Variants in CFAP300 observed in about 807,000 individuals in gnomAD.
CFAP300 encodes cilia- and flagella-associated protein 300.
In CFAP300, 32 loss-of-function variants were observed where a neutral mutation model predicts 33.0. The ratio of observed to expected loss-of-function variants is 0.97; its 90% CI spans 0.73 to 1.30. CFAP300 has a LOEUF of 1.30. CFAP300 is among the 50% of genes most tolerant of loss of function. The pLI is 0.00. For synonymous variants in CFAP300, 102 were observed against 106.8 expected, an observed-to-expected ratio of 0.95 and a Z score of 0.28; for missense variants, 356 against 318.1, an observed-to-expected ratio of 1.12 and a Z score of -0.90.
chr11:102,060,452 A>G (rs1000987588), intron 3 of CFAP300, among the ~76,000 whole-genome samples: 3 of 152,158 alleles, frequency 2.0e-5, no homozygotes, highest in African/African-American at 7.2e-5. Flanking sequence ...TTCATAATAC[A>G]TTGAAAGAGC....
chr11:102,073,111 C>A (rs1034431830), intron 4 of CFAP300, among the ~76,000 whole-genome samples: 8 of 152,108 alleles, frequency 5.3e-5, no homozygotes, highest in Non-Finnish European at 8.8e-5. Flanking sequence ...TGGGCCTCCA[C>A]GCAGCTTGCT....
rs550300113 is a variant in CFAP300, at chr11:102,050,502, G to A, written c.192+2606G>A. On this transcript the variant is annotated intron_variant, in intron 2 of 6. Transcript: ENST00000434758. The stretch of plus-strand genomic sequence containing the variant: ...AAATGTATTTCTGAGATGATAAATG[G>A]ATGGAAGGAAACATTTATCTGGCAA... Among the ~76,000 whole-genome samples the A allele has an allele frequency of 2.0e-5, 3 of 152,250 alleles. No individual in the cohort carries two copies. The South Asian group carries it at 6.2e-4, about 32-fold the overall frequency.
chr11:102,051,314 G>A (rs1434925626), intron 2 of CFAP300, among the ~76,000 whole-genome samples: 3 of 152,156 alleles, frequency 2.0e-5, no homozygotes, highest in Admixed American at 2.0e-4. Context: ...CATGGGACTG[G>A]GGATGATGAG....
At chr11:102,074,512 A>C (rs1169099301) in intron 4 of CFAP300, among the ~76,000 whole-genome samples, 8 of 152,070 alleles carry the variant, frequency 5.3e-5, no homozygotes, top group African/African-American at 1.9e-4. Context: ...CCCTCTTTGA[A>C]GTGTGATTAT....
intron 2 of CFAP300, among the ~76,000 whole-genome samples, chr11:102,056,859 A>G (rs181865347): frequency 2.1e-4 from 32 of 151,800 alleles, no homozygotes; most frequent in African/African-American, 7.0e-4. Flanking sequence ...TCCTGGCCTC[A>G]AGTGATCCAC....
chr11:102,062,264 G>A lies in CFAP300; in HGVS notation c.268+3309G>A, dbSNP rs1942159437. ...TGAGAAATACATGTCTATTGTTTAA[G>A]CCACCCAGACTATGGCATTTTGTTA... On this transcript the variant is annotated intron_variant, in intron 3 of 6. Coordinates refer to ENST00000434758, the MANE Select transcript of CFAP300 (RefSeq NM_032930.3). Among the ~76,000 whole-genome samples the A allele has an allele frequency of 2.0e-5, 3 of 152,310 alleles. No homozygotes were observed. In the South Asian group the frequency reaches 6.2e-4, roughly 32 times the overall value.
At chr11:102,060,747 T>C (rs1942139089) in intron 3 of CFAP300, among the ~76,000 whole-genome samples, 1 of 152,168 alleles carries the variant, frequency 6.6e-6, no homozygotes, top group Non-Finnish European at 1.5e-5. Flanking sequence ...GGGTGTATTT[T>C]GGTAAATTAC....
At chr11:102,057,335 A>G (rs1221987561) in intron 2 of CFAP300, among the ~76,000 whole-genome samples, 1 of 116,590 alleles carries the variant, frequency 8.6e-6, no homozygotes, top group Non-Finnish European at 1.8e-5. Context: ...GCGAAACTCC[A>G]TCTCAAAAAA....
At chr11:102,079,876 A>G (rs1380177244) in intron 5 of CFAP300, among the ~76,000 whole-genome samples, 4 of 152,208 alleles carry the variant, frequency 2.6e-5, no homozygotes, top group African/African-American at 9.6e-5. Flanking sequence ...ACTTTTATTT[A>G]GCTTATCTTA....
At chr11:102,053,154 G>C (rs1317944884) in intron 2 of CFAP300, among the ~76,000 whole-genome samples, 1 of 151,784 alleles carries the variant, frequency 6.6e-6, no homozygotes, top group Non-Finnish European at 1.5e-5. Context: ...ACTTGAACCT[G>C]GGAGGTGGAG....
Position 102,047,839 on chromosome 11 carries a change from G to C in CFAP300, c.135G>C (p.Ala45=). The change falls in exon 2 of 7, where the codon GCG becomes GCC. Residue 45 remains alanine (A), a synonymous_variant. Transcript: ENST00000434758. Reference sequence around the variant, plus strand: ...GGTCCATGCTGGGCAGAATCAAGGCGCAGGCGTTCGGCTTTGACCAGACCT... The same window carrying C: ...GGTCCATGCTGGGCAGAATCAAGGCCCAGGCGTTCGGCTTTGACCAGACCT... ...RQWSMLGRIK[A]QAFGFDQTFQ... The C allele has an allele frequency of 6.2e-7, 1 of 1,614,182 alleles. No individual in the cohort carries two copies. Among genetic ancestry groups the C allele is most frequent in the Non-Finnish European group, 8.5e-7 (1 of 1,180,030 alleles).
intron 4 of CFAP300, 131 bp from the exon 5 acceptor site, chr11:102,075,742 C>T (rs1942385649): frequency 3.2e-6 from 2 of 621,488 alleles, no homozygotes; most frequent in Non-Finnish European, 2.7e-6. Flanking sequence ...ACAGGTTACT[C>T]TCTTCAGTTG....
intron 4 of CFAP300, among the ~76,000 whole-genome samples, chr11:102,071,302 T>C (rs1344893906): frequency 1.3e-5 from 2 of 152,176 alleles, no homozygotes; most frequent in Non-Finnish European, 2.9e-5. Flanking sequence ...TTAGTCCCTT[T>C]TTACTGTTTT....
intron 5 of CFAP300, among the ~76,000 whole-genome samples, chr11:102,079,069 A>G (rs531040314): frequency 1.3e-5 from 2 of 152,238 alleles, no homozygotes; most frequent in African/African-American, 4.8e-5. Context: ...CAAATACTAA[A>G]TTTTCCTCTA....
At chr11:102,055,361 CT>C (rs561779599) in intron 2 of CFAP300, among the ~76,000 whole-genome samples, 185 of 113,396 alleles carry the variant, frequency 1.6e-3, no homozygotes, top group Non-Finnish European at 1.8e-3. Context: ...ATGCGTTACT[CT>C]TTTTTTTTTT....
chr11:102,072,579 A>G (rs1273084880), intron 4 of CFAP300, among the ~76,000 whole-genome samples: 1 of 152,048 alleles, frequency 6.6e-6, no homozygotes, highest in African/African-American at 2.4e-5. Context: ...TTGGGATTAC[A>G]GGTGTGAGGT....
chr11:102,083,293 T>A lies in CFAP300; in HGVS notation c.*94T>A, dbSNP rs368412662. On this transcript the variant is annotated 3_prime_UTR_variant, in exon 7 of 7. Transcript: ENST00000434758. ...GATAAACATATACTTTGCAAATTAA[T>A]TCAAGAAAAATGTAAGGAGCCTACT... is the stretch of plus-strand genomic sequence containing the variant. 112 of 1,067,634 alleles carry A rather than the reference T, an allele frequency of 1.0e-4. 1 individual carries two copies. The South Asian group carries it at 2.0e-3, about 19-fold the overall frequency. 66.1% of individuals were successfully genotyped at this position (1,067,634 alleles called of 1,614,324 possible).
At position 102,074,153 on chromosome 11, in the gene CFAP300, C is replaced by T. The variant is rs1942361090; in HGVS notation, c.436-1720C>T. ...GACTTTTGGGCCCCAAGGAAGGATGCAGTCCGGTAGGAGTTGGATTCTCAA... is the reference window on the plus strand; with the variant it reads ...GACTTTTGGGCCCCAAGGAAGGATGTAGTCCGGTAGGAGTTGGATTCTCAA... On this transcript the variant is annotated intron_variant, in intron 4 of 6. Coordinates refer to ENST00000434758, the MANE Select transcript of CFAP300 (RefSeq NM_032930.3). Among the ~76,000 whole-genome samples, 5 of 148,834 alleles carry T rather than the reference C, an allele frequency of 3.4e-5. No homozygotes were observed. In the Admixed American group the frequency reaches 3.4e-4, roughly 10 times the overall value.
At chr11:102,063,395 C>T (rs531378534) in intron 3 of CFAP300, among the ~76,000 whole-genome samples, 3 of 152,220 alleles carry the variant, frequency 2.0e-5, no homozygotes, top group Non-Finnish European at 2.9e-5. Context: ...TTTGGAAACA[C>T]ATACCTTGTC....
Sources: gnomAD v4.1 joint callset for allele counts (sites outside exome capture counted in the v4.1 genomes callset) on GRCh38, gnomAD v4.1.1 for gene constraint, MANE v1.5 for transcripts, NCBI Gene and HGNC (gene_info 2026-07-23, HGNC 2026-07-21) for gene names.